MYRIP: variants seen among roughly 807,000 people sequenced by gnomAD.
MYRIP encodes rab effector MyRIP.
In MYRIP, 49 loss-of-function variants were observed where a neutral mutation model predicts 98.0. The ratio of observed to expected loss-of-function variants is 0.50; its 90% CI spans 0.40 to 0.63. The LOEUF is 0.63. Ranked by LOEUF, MYRIP falls within the 30% of genes least tolerant of loss-of-function variation. The pLI, the probability that MYRIP is intolerant of heterozygous loss-of-function variation, is 0.00. For missense variants in MYRIP, 1,004 were observed against 1,058.2 expected, an observed-to-expected ratio of 0.95 and a Z score of 0.71; for synonymous variants, 404 against 409.5, an observed-to-expected ratio of 0.99 and a Z score of 0.16.
At chr3:39,928,354 A>G (rs908845044) in intron 2 of MYRIP, among the ~76,000 whole-genome samples, 3 of 151,844 alleles carry the variant, frequency 2.0e-5, no homozygotes, top group African/African-American at 7.2e-5. Context: ...CCAAAGAAAC[A>G]AAGACAGTAC....
intron 3 of MYRIP, among the ~76,000 whole-genome samples, chr3:40,058,679 AT>A (rs1947934664): frequency 1.3e-5 from 2 of 151,622 alleles, no homozygotes; most frequent in South Asian, 4.2e-4. Context: ...TTTTAATTGC[AT>A]TTTTCCCTTC....
intron 3 of MYRIP, among the ~76,000 whole-genome samples, chr3:40,060,082 C>A (rs1163171744): frequency 2.6e-5 from 4 of 151,874 alleles, no homozygotes; most frequent in Non-Finnish European, 4.4e-5. Flanking sequence ...AGGACAAAAG[C>A]AAGAGAAAGA....
chr3:40,232,014 C>A (rs1390556104), intron 11 of MYRIP, among the ~76,000 whole-genome samples: 1 of 152,196 alleles, frequency 6.6e-6, no homozygotes, highest in Non-Finnish European at 1.5e-5. Context: ...CTACAAGGTC[C>A]TGAAAAGTGG....
intron 2 of MYRIP, among the ~76,000 whole-genome samples, chr3:40,032,472 T>G (rs1233600517): frequency 1.3e-5 from 2 of 152,140 alleles, no homozygotes; most frequent in Admixed American, 1.3e-4. Context: ...TGAATAGGTG[T>G]GGTGTGGTGC....
In MYRIP at chr3:39,886,835, G is replaced by A. The variant is rs191862922; in HGVS notation, c.-30-13952G>A. ...AATTGAACTCAGCTTTGCACCAAGC[G>A]CACCTAATAGACATCTACAGAACTC... On this transcript the variant is annotated intron_variant, in intron 1 of 16. Transcript: ENST00000302541. 6.9e-3 allele frequency among the ~76,000 whole-genome samples: 1,048 copies of A among 152,002 alleles called. 7 individuals are homozygous for A. The highest frequency in any genetic ancestry group is 0.027 in the Middle Eastern group (8 of 294).
Position 39,980,979 on chromosome 3 carries a change from C to T in MYRIP, c.111-63071C>T, listed in dbSNP as rs190593116. Reference sequence around the variant, plus strand: ...GAGATGGAGATGGTGGTGATGGTTGCGTAACAATATGAATGTCCTTCATGC... The same window carrying T: ...GAGATGGAGATGGTGGTGATGGTTGTGTAACAATATGAATGTCCTTCATGC... On this transcript the variant is annotated intron_variant, in intron 2 of 16. Coordinates refer to ENST00000302541, the MANE Select transcript of MYRIP (RefSeq NM_015460.4). Among the ~76,000 whole-genome samples, 21 of 152,110 alleles carry T rather than the reference C, an allele frequency of 1.4e-4. 1 individual carries two copies. The East Asian group carries it at 2.3e-3, about 17-fold the overall frequency.
intron 3 of MYRIP, among the ~76,000 whole-genome samples, chr3:40,081,409 A>C (rs1012696605): frequency 6.6e-6 from 1 of 152,182 alleles, no homozygotes; most frequent in Admixed American, 6.5e-5. Context: ...TTTTGAGGTC[A>C]AGTTATTAGG....
intron 2 of MYRIP, among the ~76,000 whole-genome samples, chr3:39,908,251 T>C (rs765828510): frequency 9.2e-5 from 14 of 152,188 alleles, no homozygotes; most frequent in Non-Finnish European, 1.5e-4. Context: ...CTGCTGTGTC[T>C]TTCCCAGGCG....
In MYRIP at chr3:39,878,883, C is replaced by T. The variant is rs191400936; in HGVS notation, c.-30-21904C>T. ...CATTCTGGCCAACATGGTGAAACCTCGTCTCTACTAAAAATACAAAAAAAA... is the reference window on the plus strand; with the variant it reads ...CATTCTGGCCAACATGGTGAAACCTTGTCTCTACTAAAAATACAAAAAAAA... On this transcript the variant is annotated intron_variant, in intron 1 of 16. Coordinates refer to ENST00000302541, the MANE Select transcript of MYRIP (RefSeq NM_015460.4). Among the ~76,000 whole-genome samples the T allele has an allele frequency of 9.8e-3, 1,325 of 134,686 alleles. 22 individuals are homozygous for T. The highest frequency in any genetic ancestry group is 0.036 in the African/African-American group (1,261 of 34,666). The allele number at this position is 134,686 out of a possible 152,430, so 88.4% of individuals were successfully genotyped here. A position where few individuals can be genotyped will look rare whatever the true frequency, so the allele number is the denominator to read the frequency against.
intron 3 of MYRIP, among the ~76,000 whole-genome samples, chr3:40,049,951 T>G (rs1947756115): frequency 6.6e-6 from 1 of 152,186 alleles, no homozygotes; most frequent in East Asian, 1.9e-4. Flanking sequence ...TCTTCTTCTA[T>G]TCTGTGAAGA....
intron 2 of MYRIP, among the ~76,000 whole-genome samples, chr3:40,004,490 A>G (rs1351360948): frequency 1.3e-5 from 2 of 151,838 alleles, no homozygotes; most frequent in Non-Finnish European, 2.9e-5. Context: ...TTTATTTTTT[A>G]TTTCCATAGG....
At chr3:40,084,517 G>A (rs71614192) in intron 3 of MYRIP, among the ~76,000 whole-genome samples, 396 of 1,364 alleles carry the variant, frequency 0.29, 49 homozygotes, top group African/African-American at 0.34. Context: ...TTATCTATCG[G>A]TAGATAATAC....
At chr3:40,050,957 G>A (rs1296975738) in intron 3 of MYRIP, among the ~76,000 whole-genome samples, 1 of 152,128 alleles carries the variant, frequency 6.6e-6, no homozygotes, top group East Asian at 1.9e-4. Flanking sequence ...AACTTGGACA[G>A]GTGAAGAGTT....
intron 10 of MYRIP, among the ~76,000 whole-genome samples, chr3:40,204,015 A>AATATATATT (rs1951685056): frequency 5.5e-4 from 3 of 5,406 alleles, no homozygotes; most frequent in Admixed American, 4.9e-3. Flanking sequence ...TATTATATAT[A>AATATATATT]ATATATATTA....
intron 2 of MYRIP, among the ~76,000 whole-genome samples, chr3:39,907,269 A>G (rs914228659): frequency 6.6e-6 from 1 of 152,176 alleles, no homozygotes; most frequent in Non-Finnish European, 1.5e-5. Context: ...AAATATATAG[A>G]TAGATTAAAT....
chr3:40,051,508 A>C (rs1947793292), intron 3 of MYRIP, among the ~76,000 whole-genome samples: 1 of 152,168 alleles, frequency 6.6e-6, no homozygotes, highest in African/African-American at 2.4e-5. Flanking sequence ...AGTCTATCTA[A>C]CTTTTATATG....
At chr3:40,004,267 A>G (rs1296265316) in intron 2 of MYRIP, among the ~76,000 whole-genome samples, 3 of 152,228 alleles carry the variant, frequency 2.0e-5, no homozygotes, top group African/African-American at 7.2e-5. Context: ...ACTTAGAGTC[A>G]TAAGCCAGAA....
chr3:39,886,410 C>T (rs1943305422), intron 1 of MYRIP, among the ~76,000 whole-genome samples: 1 of 148,458 alleles, frequency 6.7e-6, no homozygotes, highest in African/African-American at 2.5e-5. Flanking sequence ...GATAAAGAGT[C>T]AAGACCCATC....
intron 1 of MYRIP, among the ~76,000 whole-genome samples, chr3:39,816,950 A>T (rs1187649785): frequency 6.6e-6 from 1 of 152,168 alleles, no homozygotes; most frequent in East Asian, 1.9e-4. Context: ...TCACATGAAA[A>T]CATTCATTAA....
Sources: allele counts gnomAD v4.1 joint callset (sites outside exome capture counted in the v4.1 genomes callset), GRCh38; gene constraint gnomAD v4.1.1; transcripts MANE v1.5; gene names NCBI Gene and HGNC (gene_info 2026-07-23, HGNC 2026-07-21).